Variants in ADAMTS6 observed in about 807,000 individuals in gnomAD.
ADAMTS6 encodes the protein A disintegrin and metalloproteinase with thrombospondin motifs 6.
In ADAMTS6, 23 loss-of-function variants were observed where a neutral mutation model predicts 144.3. The observed-to-expected ratio is 0.16, with a 90% confidence interval of 0.11 to 0.23. The LOEUF is 0.23. ADAMTS6 is among the 10% of genes least tolerant of loss of function. The pLI is 1.00. For synonymous variants in ADAMTS6, 444 were observed against 457.5 expected (o/e 0.97, Z 0.38); for missense variants, 999 against 1,379.6 (o/e 0.72, Z 4.37).
intron 4 of ADAMTS6, among the ~76,000 whole-genome samples, 158 bp from the exon 5 acceptor site, chr5:65,453,076 A>T (rs1436263933): frequency 1.4e-5 from 2 of 144,662 alleles, no homozygotes; most frequent in Non-Finnish European, 3.0e-5. Flanking sequence ...AAGTCTGTAA[A>T]TTTTTGAAAA....
intron 17 of ADAMTS6, 21 bp from the exon 18 acceptor site, chr5:65,224,421 AG>A (rs1358291382): frequency 6.2e-7 from 1 of 1,602,856 alleles, no homozygotes; most frequent in Admixed American, 1.7e-5. Flanking sequence ...GAAGATAGCC[AG>A]TATTAAGCAG....
chr5:65,391,017 C>T (rs547941377), intron 7 of ADAMTS6, among the ~76,000 whole-genome samples: 1 of 151,300 alleles, frequency 6.6e-6, no homozygotes, highest in East Asian at 1.9e-4. Flanking sequence ...TGCAGTAGCA[C>T]GATCTCTGTT....
chr5:65,297,467 T>G (rs947615768), intron 10 of ADAMTS6, among the ~76,000 whole-genome samples: 1 of 152,206 alleles, frequency 6.6e-6, no homozygotes, highest in Non-Finnish European at 1.5e-5. Flanking sequence ...GTATGCGTTT[T>G]GTTGGCTGGG....
chr5:65,315,864 T>C (rs1744938606), intron 9 of ADAMTS6, among the ~76,000 whole-genome samples: 1 of 152,294 alleles, frequency 6.6e-6, no homozygotes, highest in South Asian at 2.1e-4. Flanking sequence ...CAAAAACTTA[T>C]AGAACTGCAA....
chr5:65,171,602 T>C (rs1753635516), intron 23 of ADAMTS6, among the ~76,000 whole-genome samples: 1 of 152,148 alleles, frequency 6.6e-6, no homozygotes, highest in African/African-American at 2.4e-5. Context: ...ATTATAGGTG[T>C]GCAGGTAAAT....
intron 9 of ADAMTS6, among the ~76,000 whole-genome samples, chr5:65,302,091 CCAA>C (rs1285765900): frequency 1.9e-4 from 10 of 51,878 alleles, no homozygotes; most frequent in African/African-American, 1.0e-3. Flanking sequence ...GGCTCTGTCT[CCAA>C]AAAAAAAAAA....
At chr5:65,448,619 G>GA (rs1186455199) in intron 7 of ADAMTS6, among the ~76,000 whole-genome samples, 1 of 151,536 alleles carries the variant, frequency 6.6e-6, no homozygotes, top group Non-Finnish European at 1.5e-5. Flanking sequence ...CGCCTGGCTA[G>GA]TTTTTTTTGT....
intron 7 of ADAMTS6, among the ~76,000 whole-genome samples, chr5:65,377,909 C>T (rs894204357): frequency 6.6e-6 from 1 of 152,178 alleles, no homozygotes; most frequent in Admixed American, 6.6e-5. Context: ...CCTTTTCTGG[C>T]TACTGTTTTT....
intron 14 of ADAMTS6, among the ~76,000 whole-genome samples, chr5:65,257,694 A>C (rs1760810753): frequency 6.6e-6 from 1 of 152,128 alleles, no homozygotes; most frequent in African/African-American, 2.4e-5. Context: ...CCTTGCACTT[A>C]ATTTTCCTTC....
intron 14 of ADAMTS6, among the ~76,000 whole-genome samples, chr5:65,258,795 A>G (rs1184439665): frequency 6.6e-6 from 1 of 152,258 alleles, no homozygotes; most frequent in African/African-American, 2.4e-5. Context: ...AACTGCTGGA[A>G]GAACGAGTAG....
chr5:65,242,076 A>G (rs769602047), intron 15 of ADAMTS6, 28 bp downstream of exon 15: 2 of 1,479,324 alleles, frequency 1.4e-6, no homozygotes, highest in South Asian at 2.6e-5. Context: ...GTGCTCAAGC[A>G]TGAATGCTCT....
At chr5:65,474,718 G>A (rs1157344980) in intron 1 of ADAMTS6, among the ~76,000 whole-genome samples, 1 of 149,802 alleles carries the variant, frequency 6.7e-6, no homozygotes, top group African/African-American at 2.5e-5. Context: ...TTGGCTGCCT[G>A]GTTTCCCCGC....
At chr5:65,295,283 C>T (rs922229550) in intron 10 of ADAMTS6, among the ~76,000 whole-genome samples, 5 of 151,954 alleles carry the variant, frequency 3.3e-5, no homozygotes, top group African/African-American at 1.2e-4. Flanking sequence ...ACCTTTGTGC[C>T]AACCTAATAT....
At chr5:65,331,256 C>T (rs1272228712) in intron 8 of ADAMTS6, among the ~76,000 whole-genome samples, 1 of 152,000 alleles carries the variant, frequency 6.6e-6, no homozygotes, top group Non-Finnish European at 1.5e-5. Context: ...ATGTTTCTTA[C>T]ATTTCCCAAA....
At chr5:65,184,917 G>C (rs1008029808) in intron 22 of ADAMTS6, among the ~76,000 whole-genome samples, 3 of 152,254 alleles carry the variant, frequency 2.0e-5, no homozygotes, top group Admixed American at 2.0e-4. Flanking sequence ...GGGTCAAAGG[G>C]CAAATTCCTC....
chr5:65,339,081 G>A (rs181096799), intron 7 of ADAMTS6, among the ~76,000 whole-genome samples: 4 of 152,206 alleles, frequency 2.6e-5, no homozygotes, highest in African/African-American at 4.8e-5. Context: ...GTAATAGCAC[G>A]ATGGCCCTAA....
At chr5:65,337,222 T>A (rs1008439890) in intron 7 of ADAMTS6, among the ~76,000 whole-genome samples, 1 of 152,156 alleles carries the variant, frequency 6.6e-6, no homozygotes, top group Non-Finnish European at 1.5e-5. Context: ...ATACTTTGTG[T>A]ATACTCACTC....
intron 9 of ADAMTS6, among the ~76,000 whole-genome samples, chr5:65,316,783 G>C (rs1248036538): frequency 6.6e-6 from 1 of 151,254 alleles, no homozygotes; most frequent in Admixed American, 6.6e-5. Flanking sequence ...TAAAGAGGTT[G>C]ATTCATCAAG....
chr5:65,354,644 A>T (rs1054695079), intron 7 of ADAMTS6, among the ~76,000 whole-genome samples: 1 of 151,750 alleles, frequency 6.6e-6, no homozygotes, highest in African/African-American at 2.4e-5. Context: ...CTTTACTAAA[A>T]CCTAATTACA....
Sources: gnomAD v4.1 joint callset for allele counts (sites outside exome capture counted in the v4.1 genomes callset) on GRCh38, gnomAD v4.1.1 for gene constraint, MANE v1.5 for transcripts, NCBI Gene and HGNC (gene_info 2026-07-23, HGNC 2026-07-21) for gene names.